KIF15: variants seen among roughly 807,000 people sequenced by gnomAD.
The protein encoded by KIF15 is kinesin-like protein KIF15.
In KIF15, 140 loss-of-function variants were observed where a neutral mutation model predicts 190.6. That is an observed-to-expected ratio of 0.73 (90% CI 0.64 to 0.84). The LOEUF (loss-of-function observed/expected upper bound fraction) is 0.84, where lower values mean the gene tolerates loss of function less well. KIF15 is among the 40% of genes least tolerant of loss of function. The probability of loss-of-function intolerance (pLI) is 0.00; values close to 1 mark genes in which losing one functional copy is unlikely to be tolerated. For synonymous variants in KIF15, 528 were observed against 551.3 expected (o/e 0.96, Z 0.59); for missense variants, 1,372 against 1,584.4 (o/e 0.87, Z 2.28).
intron 1 of KIF15, among the ~76,000 whole-genome samples, chr3:44,762,545 G>T (rs1705197169): frequency 6.6e-6 from 1 of 152,112 alleles, no homozygotes; most frequent in African/African-American, 2.4e-5. Context: ...TTCTCACATT[G>T]CCACATCTCT....
At chr3:44,809,728 T>G (rs557707622) in intron 16 of KIF15, among the ~76,000 whole-genome samples, 1 of 151,960 alleles carries the variant, frequency 6.6e-6, no homozygotes, top group Admixed American at 6.6e-5. Flanking sequence ...GTGTGCACCT[T>G]TGGTCTCAAC....
intron 26 of KIF15, among the ~76,000 whole-genome samples, chr3:44,832,935 A>C (rs1698139213): frequency 6.7e-6 from 1 of 150,110 alleles, no homozygotes; most frequent in Non-Finnish European, 1.5e-5. Flanking sequence ...AAATGGTTGC[A>C]GGAGGCAGAG....
At chr3:44,821,958 C>A (rs1002233891) in intron 20 of KIF15, among the ~76,000 whole-genome samples, 3 of 152,184 alleles carry the variant, frequency 2.0e-5, no homozygotes, top group Non-Finnish European at 4.4e-5. Context: ...CCCGTCTCCA[C>A]CAAAAAAATA....
chr3:44,774,267 G>A (rs1239180465), intron 1 of KIF15, 128 bp from the exon 2 acceptor site: 10 of 729,806 alleles, frequency 1.4e-5, no homozygotes, highest in Non-Finnish European at 2.4e-5. Flanking sequence ...GGGCTGTGGA[G>A]CACAGCATTG....
At chr3:44,835,191 G>A (rs1214310543) in intron 26 of KIF15, among the ~76,000 whole-genome samples, 1 of 152,076 alleles carries the variant, frequency 6.6e-6, no homozygotes, top group African/African-American at 2.4e-5. Context: ...GGAAGACCCT[G>A]TCGTTTTAGA....
At chr3:44,845,212 T>A (rs1219276629) in intron 30 of KIF15, among the ~76,000 whole-genome samples, 4 of 152,208 alleles carry the variant, frequency 2.6e-5, no homozygotes, top group Admixed American at 1.3e-4. Flanking sequence ...GGTTAGTACT[T>A]CAGCCAGCCA....
At chr3:44,861,927 G>T (rs1223634611) in intron 6 of KIF15, 2 of 1,444,558 alleles carry the variant, frequency 1.4e-6, no homozygotes, top group East Asian at 5.9e-5. Flanking sequence ...CAGGCAACAT[G>T]GCCGAGAGGC....
rs140855159 is a variant in KIF15, at chr3:44,866,741, G to C, written c.*60-6588G>C. On this transcript the variant is annotated intron_variant and NMD_transcript_variant, in intron 6 of 6. Coordinates refer to the KIF15 transcript ENST00000422209. ...CACGGCTCCTTCTGATGGGGATCTG[G>C]CCCTAGCCCACCACTCCAACAAGAG... Among the ~76,000 whole-genome samples, 908 of 152,256 alleles carry C rather than the reference G, an allele frequency of 6.0e-3. 5 individuals are homozygous for C. The highest frequency in any genetic ancestry group is 0.021 in the African/African-American group (876 of 41,534).
intron 16 of KIF15, among the ~76,000 whole-genome samples, chr3:44,810,194 C>T (rs1707725708): frequency 6.6e-6 from 1 of 152,160 alleles, no homozygotes; most frequent in Non-Finnish European, 1.5e-5. Flanking sequence ...AATGACCATA[C>T]TCCCATACCC....
chr3:44,780,750 T>C, intron 4 of KIF15, 135 bp from the exon 5 acceptor site: 1 of 554,784 alleles, frequency 1.8e-6, no homozygotes, highest in Non-Finnish European at 3.1e-6. Context: ...CATTCACTTT[T>C]TATCTAATAG....
chr3:44,778,465 C>G (rs1423213300), intron 4 of KIF15, among the ~76,000 whole-genome samples: 1 of 152,128 alleles, frequency 6.6e-6, no homozygotes, highest in African/African-American at 2.4e-5. Flanking sequence ...AGCTTACAGC[C>G]CTGTTTATCT....
Position 44,772,558 on chromosome 3 carries a change from A to C in KIF15, c.20-1837A>C, listed in dbSNP as rs1045519773. 5.3e-5 allele frequency among the ~76,000 whole-genome samples: 8 copies of C among 152,360 alleles called. No individual in the cohort carries two copies. The South Asian group carries it at 1.7e-3, about 32-fold the overall frequency. On this transcript the variant is annotated intron_variant, in intron 1 of 34. Transcript: ENST00000326047. The stretch of plus-strand genomic sequence containing the variant: ...TCTTTTAAATATACTTATAACTTGG[A>C]TATCCACTTTCAATTAAGCTGAACG...
At chr3:44,809,350 A>G (rs1707678420) in intron 16 of KIF15, among the ~76,000 whole-genome samples, 1 of 152,134 alleles carries the variant, frequency 6.6e-6, no homozygotes, top group Non-Finnish European at 1.5e-5. Context: ...TGTACTGCCA[A>G]TATATTCCTC....
chr3:44,789,669 TATATATATATATATATATATATAA>T (rs1386161676), intron 7 of KIF15, among the ~76,000 whole-genome samples: 5 of 89,670 alleles, frequency 5.6e-5, no homozygotes, highest in Non-Finnish European at 7.7e-5. Context: ...TATATATATA[TATATATATATATATATATATATAA>T]AATAGATACA....
intron 10 of KIF15, chr3:44,799,110 G>A: frequency 3.1e-6 from 1 of 318,836 alleles, no homozygotes; most frequent in Non-Finnish European, 5.9e-6. Context: ...TTTACTAGAA[G>A]TCTTTGGAGA....
intron 29 of KIF15, among the ~76,000 whole-genome samples, chr3:44,842,757 G>A (rs553998006): frequency 1.4e-4 from 22 of 152,192 alleles, no homozygotes; most frequent in Non-Finnish European, 2.9e-4. Flanking sequence ...AGTATTTTGA[G>A]GGATGAGCTG....
At chr3:44,860,991 A>C in intron 6 of KIF15, among the ~76,000 whole-genome samples, 1 of 152,134 alleles carries the variant, frequency 6.6e-6, no homozygotes, top group Non-Finnish European at 1.5e-5. Context: ...GGAACATTTT[A>C]TTTTTATTTT....
intron 5 of KIF15, among the ~76,000 whole-genome samples, chr3:44,784,542 A>C (rs1013174125): frequency 6.6e-6 from 1 of 152,188 alleles, no homozygotes; most frequent in Non-Finnish European, 1.5e-5. Flanking sequence ...AGAACTCTGC[A>C]GCTTAAGAGG....
At chr3:44,809,015 C>T (rs1707659071) in intron 16 of KIF15, among the ~76,000 whole-genome samples, 1 of 152,156 alleles carries the variant, frequency 6.6e-6, no homozygotes, top group African/African-American at 2.4e-5. Context: ...GAGAAGTGGT[C>T]ATTTTAGGAT....
Sources: allele counts gnomAD v4.1 joint callset (sites outside exome capture counted in the v4.1 genomes callset), GRCh38; gene constraint gnomAD v4.1.1; transcripts MANE v1.5; gene names NCBI Gene and HGNC (gene_info 2026-07-23, HGNC 2026-07-21).